HDLBP: variants seen among roughly 807,000 people sequenced by gnomAD.
HDLBP encodes the protein vigilin.
HDLBP carries 30 observed loss-of-function variants against 137.3 expected under a neutral mutation model. The observed-to-expected ratio is 0.22, with a 90% CI of 0.16 to 0.30. HDLBP has a LOEUF of 0.30. Among genes scored for constraint, HDLBP ranks in the 10% least tolerant of loss-of-function variants. The pLI is 1.00. For synonymous variants in HDLBP, 606 were observed against 596.0 expected (o/e 1.02, Z -0.24); for missense variants, 1,119 against 1,667.3 (o/e 0.67, Z 5.73).
chr2:241,268,432 C>A, intron 2 of HDLBP, 45 bp downstream of exon 2: 1 of 984,440 alleles, frequency 1.0e-6, no homozygotes, highest in South Asian at 4.7e-5. Flanking sequence ...CCCAGGTCCA[C>A]ACACAGCCCA....
chr2:241,272,246 G>GT lies in HDLBP; in HGVS notation c.-102-3706_-102-3705insA. 2 of 960,626 alleles carry GT rather than the reference G, an allele frequency of 2.1e-6. No homozygotes were observed. The highest frequency in any genetic ancestry group is 2.5e-6 in the Non-Finnish European group (2 of 807,770). 59.5% of individuals were successfully genotyped at this position (960,626 alleles called of 1,614,324 possible). A position where few individuals can be genotyped will look rare whatever the true frequency, so the allele number is the denominator to read the frequency against. On this transcript the variant is annotated intron_variant, in intron 1 of 27. Coordinates refer to ENST00000310931, the MANE Select transcript of HDLBP (RefSeq NM_005336.6). The surrounding 1 kb of genome is among the most constrained non-coding windows in gnomAD (Gnocchi z 5.6). ...CGGTCTGCGCCCAGACCCCCGCCCCGCCGCCACCTGGGGGGAAGGACCCCG... is the reference window on the plus strand; with the variant it reads ...CGGTCTGCGCCCAGACCCCCGCCCCGTCCGCCACCTGGGGGGAAGGACCCCG...
chr2:241,287,596 A>AT (rs2074867189), intron 1 of HDLBP, among the ~76,000 whole-genome samples: 1 of 151,228 alleles, frequency 6.6e-6, no homozygotes. Context: ...ATTTTTGTAT[A>AT]TTTTTTTGTA....
rs1482179247 is a variant in HDLBP, at chr2:241,238,562, G to A, written c.2749+87C>T. 5 of 1,067,610 alleles carry A rather than the reference G, an allele frequency of 4.7e-6. No individual in the cohort carries two copies. The highest frequency in any genetic ancestry group is 6.5e-6 in the Non-Finnish European group (5 of 768,140). The allele number at this position is 1,067,610 out of a possible 1,614,324, so 66.1% of individuals were successfully genotyped here. On this transcript the variant is annotated intron_variant, in intron 20 of 27. Coordinates refer to ENST00000310931, the MANE Select transcript of HDLBP (RefSeq NM_005336.6). This position sits in a 1 kb window ranked among gnomAD's most constrained non-coding sequence, Gnocchi z 4.9. ...ATGGTTTTCCAGCAGAGACAGGAAA[G>A]AGCCTCACCAGTATGTGCGACAGCC...
chr2:241,272,180 C>T lies in HDLBP; in HGVS notation c.-102-3639G>A, dbSNP rs1320000268. On this transcript the variant is annotated intron_variant, in intron 1 of 27. Transcript: ENST00000310931. The surrounding 1 kb of genome is among the most constrained non-coding windows in gnomAD (Gnocchi z 5.6). The stretch of plus-strand genomic sequence containing the variant: ...CCCCGAACACGTAGACTGACGCGGG[C>T]CCCGCGCGGCAGGTGGAGGTGCTGC... The T allele has an allele frequency of 1.0e-6, 1 of 984,992 alleles. No homozygotes were observed. The highest frequency in any genetic ancestry group is 1.1e-4 in the East Asian group (1 of 8,810). The allele number at this position is 984,992 out of a possible 1,614,324, so 61.0% of individuals were successfully genotyped here.
chr2:241,259,358 TTATTA>T (rs1404364283), intron 5 of HDLBP, among the ~76,000 whole-genome samples: 1 of 152,198 alleles, frequency 6.6e-6, no homozygotes, highest in African/African-American at 2.4e-5. Flanking sequence ...TGAAAGTACT[TTATTA>T]TATAACGTTG....
chr2:241,240,702 TA>T lies in HDLBP; in HGVS notation c.2170-581del, dbSNP rs1285142385. On this transcript the variant is annotated intron_variant, in intron 17 of 27. Coordinates refer to ENST00000310931, the MANE Select transcript of HDLBP (RefSeq NM_005336.6). This position sits in a 1 kb window ranked among gnomAD's most constrained non-coding sequence, Gnocchi z 5.5. The stretch of plus-strand genomic sequence containing the variant: ...GACACAAGCCAACCAAGGCTACAGT[TA>T]GAGACCGGTCCTCAGAGGCCTCGTG... Among the ~76,000 whole-genome samples, 3 of 151,418 alleles carry T rather than the reference TA, an allele frequency of 2.0e-5. No individual in the cohort carries two copies. The East Asian group carries it at 5.8e-4, about 29-fold the overall frequency.
At chr2:241,294,176 G>A (rs916730837) in intron 1 of HDLBP, among the ~76,000 whole-genome samples, 4 of 152,126 alleles carry the variant, frequency 2.6e-5, no homozygotes, top group Admixed American at 6.5e-5. Flanking sequence ...CGGGTGCCAC[G>A]AATTATTTTT....
intron 12 of HDLBP, chr2:241,249,260 G>A (rs2071923110): frequency 2.1e-6 from 1 of 466,770 alleles, no homozygotes; most frequent in Non-Finnish European, 4.4e-6. Context: ...TCCTCACACA[G>A]TCAGGCCAAA....
At position 241,227,433 on chromosome 2, in the gene HDLBP, G is replaced by A. The variant is rs569426556; in HGVS notation, c.*2168C>T. On this transcript the variant is annotated 3_prime_UTR_variant, in exon 28 of 28. Coordinates refer to ENST00000310931, the MANE Select transcript of HDLBP (RefSeq NM_005336.6). ...TGTAGCTATGGAAACAGATGATATG[G>A]AAGACATCCAACAAGGAGGAAAAGC... The A allele has an allele frequency of 2.6e-5, 4 of 152,644 alleles. No individual in the cohort carries two copies. The South Asian group carries it at 6.2e-4, about 24-fold the overall frequency. The allele number at this position is 152,644 out of a possible 1,614,324, so 9.5% of individuals were successfully genotyped here. A position where few individuals can be genotyped will look rare whatever the true frequency, so the allele number is the denominator to read the frequency against.
Position 241,242,531 on chromosome 2 carries a change from C to T in HDLBP, c.2098G>A (p.Val700Ile), listed in dbSNP as rs202096199. The T allele has an allele frequency of 3.5e-5, 57 of 1,614,212 alleles. No individual in the cohort carries two copies. In the Middle Eastern group the frequency reaches 8.2e-4, roughly 23 times the overall value. Residue 700 changes from valine (V) to isoleucine (I), a missense_variant, in exon 17 of 28, where the codon GTT (valine) becomes ATT (isoleucine). Coordinates refer to ENST00000310931, the MANE Select transcript of HDLBP (RefSeq NM_005336.6). ...FPVEGSGSDTVVIRGPSSDVE... is the reference protein window; with the variant it reads ...FPVEGSGSDTIVIRGPSSDVE... ...TCCGAGGAAGGGCCCCTGATAACAA[C>T]GGTGTCGCTTCCTGAACCTTCCACG...
intron 1 of HDLBP, among the ~76,000 whole-genome samples, chr2:241,312,438 G>A (rs747837660): frequency 1.3e-5 from 2 of 152,090 alleles, no homozygotes; most frequent in Non-Finnish European, 2.9e-5. Context: ...CATGAAAAAA[G>A]GTTCTTTTCA....
At chr2:241,236,276 C>T (rs554943141) in intron 21 of HDLBP, 235 of 329,380 alleles carry the variant, frequency 7.1e-4, no homozygotes, top group Non-Finnish European at 1.1e-3. Context: ...ACCCCACTCA[C>T]GCGGGGGGAG....
At chr2:241,298,449 G>A (rs1016574555) in intron 1 of HDLBP, among the ~76,000 whole-genome samples, 4 of 152,114 alleles carry the variant, frequency 2.6e-5, no homozygotes, top group Non-Finnish European at 5.9e-5. Flanking sequence ...GCAAACCTGA[G>A]ATGATGAACA....
chr2:241,304,187 T>TA (rs1380230915), intron 1 of HDLBP, among the ~76,000 whole-genome samples: 1 of 152,200 alleles, frequency 6.6e-6, no homozygotes, highest in African/African-American at 2.4e-5. Context: ...TCCCTCAAAA[T>TA]ACGTATATGG....
chr2:241,297,682 C>G (rs1185465629), intron 1 of HDLBP, among the ~76,000 whole-genome samples: 1 of 151,942 alleles, frequency 6.6e-6, no homozygotes, highest in Non-Finnish European at 1.5e-5. Flanking sequence ...GAATCCAGGT[C>G]TGGGGCAGGG....
At chr2:241,308,155 T>G (rs1390997413) in intron 1 of HDLBP, among the ~76,000 whole-genome samples, 2 of 152,184 alleles carry the variant, frequency 1.3e-5, no homozygotes, top group African/African-American at 4.8e-5. Context: ...GAAATACGAT[T>G]TTAATGGCAA....
Position 241,239,078 on chromosome 2 carries a change from TGAG to T in HDLBP, c.2611-294_2611-292del, listed in dbSNP as rs151166504. Among the ~76,000 whole-genome samples, 1,046 of 152,158 alleles carry T rather than the reference TGAG, an allele frequency of 6.9e-3. 10 individuals carry two copies. Among genetic ancestry groups the T allele is most frequent in the African/African-American group, 0.024 (978 of 41,504 alleles). ...CCTCCTGGGGTAGCCTCTGACTCCATGAGGAGGCATCAGACTTGATTATTAGGG... is the reference window on the plus strand; with the variant it reads ...CCTCCTGGGGTAGCCTCTGACTCCATGAGGCATCAGACTTGATTATTAGGG... On this transcript the variant is annotated intron_variant, in intron 19 of 27. Transcript: ENST00000310931. The surrounding 1 kb of genome is among the most constrained non-coding windows in gnomAD (Gnocchi z 4.6).
At chr2:241,296,460 T>C (rs2075185737) in intron 1 of HDLBP, among the ~76,000 whole-genome samples, 1 of 152,174 alleles carries the variant, frequency 6.6e-6, no homozygotes, top group Non-Finnish European at 1.5e-5. Context: ...CAACATATAC[T>C]GTAAAAACCA....
chr2:241,272,214 C>G lies in HDLBP; in HGVS notation c.-102-3673G>C, dbSNP rs1167358307. 1 of 983,068 alleles carries G rather than the reference C, an allele frequency of 1.0e-6. No individual in the cohort carries two copies. The highest frequency in any genetic ancestry group is 1.1e-4 in the East Asian group (1 of 8,794). The allele number at this position is 983,068 out of a possible 1,614,324, so 60.9% of individuals were successfully genotyped here. Reference sequence around the variant, plus strand: ...GCAGGTGGAGGTGCTGCGGGGGCCCCGCCGCCCGGTCTGCGCCCAGACCCC... The same window carrying G: ...GCAGGTGGAGGTGCTGCGGGGGCCCGGCCGCCCGGTCTGCGCCCAGACCCC... On this transcript the variant is annotated intron_variant, in intron 1 of 27. Coordinates refer to ENST00000310931, the MANE Select transcript of HDLBP (RefSeq NM_005336.6). The surrounding 1 kb of genome is among the most constrained non-coding windows in gnomAD (Gnocchi z 5.6).
Sources: gnomAD v4.1 joint callset for allele counts (sites outside exome capture counted in the v4.1 genomes callset) on GRCh38, gnomAD v4.1.1 for gene constraint, Gnocchi (gnomAD v3.1) non-coding constraint, MANE v1.5 for transcripts, NCBI Gene and HGNC (gene_info 2026-07-23, HGNC 2026-07-21) for gene names.